ELAPOR2: variants seen among roughly 807,000 people sequenced by gnomAD.
ELAPOR2 encodes endosome-lysosome associated apoptosis and autophagy regulator family member 2.
In ELAPOR2, 89 loss-of-function variants were observed where a neutral mutation model predicts 120.7. The observed-to-expected ratio is 0.74, with a 90% CI of 0.62 to 0.88. The LOEUF is 0.88. ELAPOR2 is among the 40% of genes least tolerant of loss of function. The pLI is 0.00. For synonymous variants in ELAPOR2, 444 were observed against 444.9 expected (o/e 1.00, Z 0.03); for missense variants, 1,134 against 1,251.6 (o/e 0.91, Z 1.42).
intron 1 of ELAPOR2, among the ~76,000 whole-genome samples, chr7:87,052,383 C>T (rs952496660): frequency 1.3e-5 from 2 of 152,188 alleles, no homozygotes; most frequent in Non-Finnish European, 2.9e-5. Context: ...ATCATGAGAA[C>T]AGCATGTGAA....
intron 12 of ELAPOR2, among the ~76,000 whole-genome samples, chr7:86,915,392 T>C (rs1789524579): frequency 6.6e-6 from 1 of 152,000 alleles, no homozygotes; most frequent in Non-Finnish European, 1.5e-5. Flanking sequence ...TTATTTAATG[T>C]TCATGAAATC....
chr7:86,963,547 T>C (rs1243649642), intron 2 of ELAPOR2, among the ~76,000 whole-genome samples: 1 of 152,142 alleles, frequency 6.6e-6, no homozygotes, highest in Non-Finnish European at 1.5e-5. Flanking sequence ...CACCTAGATA[T>C]GAAGTTGGCA....
In ELAPOR2 at chr7:86,913,102, C is replaced by T. The variant is rs1789396089; in HGVS notation, c.1834G>A (p.Glu612Lys). 3 of 1,613,924 alleles carry T rather than the reference C, an allele frequency of 1.9e-6. No individual in the cohort carries two copies. The highest frequency in any genetic ancestry group is 1.3e-5 in the African/African-American group (1 of 74,892). The change falls in exon 14 of 22, where the codon GAA (glutamate) becomes AAA (lysine). Residue 612 changes from glutamate to lysine, a missense_variant. Around this residue, in one of 3 missense-constraint regions of ELAPOR2, gnomAD observed 831 missense variants for 867.6 expected, o/e 0.96. Transcript: ENST00000450689. ...SSCRACALGS[E>K]QSGSSCVPCP... ...GGGACACACGATGAACCCGACTGTT[C>T]AGAACCGAGGGCACAGGCACGGCAT... is the stretch of plus-strand genomic sequence containing the variant.
chr7:86,980,777 A>C (rs568235371), intron 1 of ELAPOR2, among the ~76,000 whole-genome samples: 20 of 152,066 alleles, frequency 1.3e-4, no homozygotes, highest in Admixed American at 4.6e-4. Flanking sequence ...CATTCCATTA[A>C]TTATTCTGCC....
chr7:86,977,804 T>C (rs1335569864), intron 1 of ELAPOR2, among the ~76,000 whole-genome samples: 1 of 152,182 alleles, frequency 6.6e-6, no homozygotes, highest in Admixed American at 6.6e-5. Context: ...TAACCACAGT[T>C]AGGATGCCAA....
intron 1 of ELAPOR2, among the ~76,000 whole-genome samples, chr7:86,980,640 C>T (rs1430717840): frequency 1.3e-5 from 2 of 152,090 alleles, no homozygotes; most frequent in Non-Finnish European, 2.9e-5. Flanking sequence ...TCTGTTTGGG[C>T]ATGCACAGAC....
intron 1 of ELAPOR2, among the ~76,000 whole-genome samples, chr7:86,976,591 A>G (rs1272253324): frequency 6.6e-6 from 1 of 152,196 alleles, no homozygotes; most frequent in African/African-American, 2.4e-5. Context: ...AAAAACAGCC[A>G]AAGTTTTGAA....
intron 1 of ELAPOR2, among the ~76,000 whole-genome samples, chr7:87,028,379 C>A (rs908507845): frequency 6.6e-6 from 1 of 152,138 alleles, no homozygotes; most frequent in African/African-American, 2.4e-5. Context: ...TCAACACTTT[C>A]TTTATTTGAC....
At chr7:86,939,054 A>C in intron 6 of ELAPOR2, 94 bp from the exon 7 acceptor site, 1 of 1,376,718 alleles carries the variant, frequency 7.3e-7, no homozygotes, top group South Asian at 1.3e-5. Flanking sequence ...AGTGAGGGAG[A>C]TATATGAACA....
intron 1 of ELAPOR2, among the ~76,000 whole-genome samples, chr7:87,007,283 TC>T (rs1367432551): frequency 6.6e-6 from 1 of 152,200 alleles, no homozygotes; most frequent in Middle Eastern, 3.2e-3. Context: ...GAAACCAATT[TC>T]CATGTATTCT....
At chr7:86,888,875 T>C (rs1460054472) in intron 21 of ELAPOR2, among the ~76,000 whole-genome samples, 3 of 152,146 alleles carry the variant, frequency 2.0e-5, no homozygotes, top group Non-Finnish European at 1.5e-5. Context: ...TCCCACTTCA[T>C]GTACCCCACA....
intron 1 of ELAPOR2, among the ~76,000 whole-genome samples, chr7:87,033,260 A>G (rs937289949): frequency 1.3e-5 from 2 of 152,230 alleles, no homozygotes; most frequent in African/African-American, 4.8e-5. Context: ...CTCTGAAAGC[A>G]GAGGCATGGA....
intron 1 of ELAPOR2, among the ~76,000 whole-genome samples, chr7:86,976,532 G>A (rs1792289539): frequency 6.6e-6 from 1 of 152,056 alleles, no homozygotes; most frequent in South Asian, 2.1e-4. Context: ...ATTGAGCAAG[G>A]GGCAGATGAT....
chr7:86,977,533 A>G (rs1792321993), intron 1 of ELAPOR2, among the ~76,000 whole-genome samples: 1 of 152,100 alleles, frequency 6.6e-6, no homozygotes, highest in Admixed American at 6.6e-5. Flanking sequence ...TACTCTCAAT[A>G]CCATAACACC....
At chr7:87,029,037 C>T (rs957989311) in intron 1 of ELAPOR2, among the ~76,000 whole-genome samples, 1 of 152,150 alleles carries the variant, frequency 6.6e-6, no homozygotes, top group Non-Finnish European at 1.5e-5. Flanking sequence ...CATCCAAAGC[C>T]CTTTTCTGAC....
At chr7:86,887,531 T>C (rs1270193891) in intron 21 of ELAPOR2, among the ~76,000 whole-genome samples, 1 of 152,092 alleles carries the variant, frequency 6.6e-6, no homozygotes, top group East Asian at 1.9e-4. Context: ...TACCCATACA[T>C]TGTGAACCTT....
chr7:86,993,268 G>GAAAAAAAAAAAAAAA (rs1793014450), intron 1 of ELAPOR2, among the ~76,000 whole-genome samples: 1 of 144,188 alleles, frequency 6.9e-6, no homozygotes, highest in African/African-American at 2.6e-5. Context: ...AAAAGAAAAG[G>GAAAAAAAAAAAAAAA]AAAGAAAAAG....
chr7:86,931,755 A>G (rs768389907), intron 8 of ELAPOR2, among the ~76,000 whole-genome samples: 2 of 151,964 alleles, frequency 1.3e-5, no homozygotes, highest in Non-Finnish European at 2.9e-5. Context: ...TATTTATGAT[A>G]AAGTGATCTT....
chr7:86,932,153 G>A (rs566088969), intron 8 of ELAPOR2, among the ~76,000 whole-genome samples: 3 of 152,048 alleles, frequency 2.0e-5, no homozygotes, highest in South Asian at 4.1e-4. Context: ...ATCAAGAGCT[G>A]TGAGGATACT....
Sources: gnomAD v4.1 joint callset for allele counts (sites outside exome capture counted in the v4.1 genomes callset) on GRCh38, gnomAD v4.1.1 for gene constraint, gnomAD v4.1.1 regional missense constraint, MANE v1.5 for transcripts, NCBI Gene and HGNC (gene_info 2026-07-23, HGNC 2026-07-21) for gene names.